Variants in CNTNAP2 observed in about 807,000 individuals in gnomAD.
The protein encoded by CNTNAP2 is contactin associated protein 2.
A neutral mutation model predicts 155.2 loss-of-function variants in CNTNAP2; 98 were observed. The observed-to-expected ratio is 0.63, with a 90% CI of 0.54 to 0.75. The LOEUF is 0.75. Ranked by LOEUF, CNTNAP2 falls within the 30% of genes least tolerant of loss-of-function variation. The pLI is 0.00. For missense variants in CNTNAP2, 1,727 were observed against 1,688.1 expected (o/e 1.02, Z -0.40); for synonymous variants, 651 against 631.2 (o/e 1.03, Z -0.47).
At chr7:147,553,637 G>A (rs758268829) in intron 11 of CNTNAP2, among the ~76,000 whole-genome samples, 53 of 151,940 alleles carry the variant, frequency 3.5e-4, no homozygotes, top group Non-Finnish European at 1.5e-4. Context: ...TTCTTCCTAG[G>A]GCAAGGTATA....
intron 1 of CNTNAP2, among the ~76,000 whole-genome samples, chr7:146,755,247 CAG>C (rs1278548499): frequency 1.3e-5 from 2 of 151,912 alleles, no homozygotes; most frequent in East Asian, 3.9e-4. Context: ...CATAAAAACT[CAG>C]AGATGAATCA....
intron 15 of CNTNAP2, among the ~76,000 whole-genome samples, chr7:148,087,297 AC>A (rs1356575254): frequency 1.3e-5 from 2 of 152,140 alleles, no homozygotes; most frequent in African/African-American, 2.4e-5. Context: ...CTATTGTACT[AC>A]CCACTATAGC....
chr7:147,602,101 G>A (rs1800959103), intron 12 of CNTNAP2, among the ~76,000 whole-genome samples: 1 of 151,844 alleles, frequency 6.6e-6, no homozygotes, highest in Non-Finnish European at 1.5e-5. Flanking sequence ...TGTGGTGTTA[G>A]CAGCCATGGA....
chr7:146,848,161 G>A (rs1794797037), intron 3 of CNTNAP2, among the ~76,000 whole-genome samples: 1 of 152,160 alleles, frequency 6.6e-6, no homozygotes, highest in African/African-American at 2.4e-5. Context: ...CTACTGATCA[G>A]AATCTACAGT....
chr7:147,821,606 G>C (rs555476005), intron 13 of CNTNAP2, among the ~76,000 whole-genome samples: 13 of 152,114 alleles, frequency 8.5e-5, no homozygotes, highest in Non-Finnish European at 1.5e-4. Context: ...GGTAACTTAG[G>C]AACTGAGATT....
chr7:147,360,960 GA>G (rs1358866836), intron 9 of CNTNAP2, among the ~76,000 whole-genome samples: 1 of 152,148 alleles, frequency 6.6e-6, no homozygotes, highest in Non-Finnish European at 1.5e-5. Flanking sequence ...ATTTTCAACT[GA>G]AGGTCATGAA....
At chr7:148,018,717 C>G (rs1219125724) in intron 15 of CNTNAP2, among the ~76,000 whole-genome samples, 3 of 152,210 alleles carry the variant, frequency 2.0e-5, no homozygotes, top group Non-Finnish European at 4.4e-5. Flanking sequence ...TGGCTTCCAG[C>G]CCAGACCTTT....
At chr7:146,629,347 C>A (rs1307078965) in intron 1 of CNTNAP2, among the ~76,000 whole-genome samples, 1 of 151,978 alleles carries the variant, frequency 6.6e-6, no homozygotes, top group Admixed American at 6.6e-5. Context: ...TAATAATAAC[C>A]CTTCTAAAAC....
At chr7:148,188,571 T>C (rs1385413046) in intron 18 of CNTNAP2, among the ~76,000 whole-genome samples, 1 of 152,210 alleles carries the variant, frequency 6.6e-6, no homozygotes, top group African/African-American at 2.4e-5. Flanking sequence ...GAGAGGAAAC[T>C]GTCTTTCTCT....
chr7:148,218,374 G>T (rs1236512754), intron 19 of CNTNAP2, among the ~76,000 whole-genome samples: 1 of 152,120 alleles, frequency 6.6e-6, no homozygotes, highest in Non-Finnish European at 1.5e-5. Flanking sequence ...CTGTCATAAA[G>T]GTTGCTTAAA....
intron 1 of CNTNAP2, among the ~76,000 whole-genome samples, chr7:146,681,640 AAG>A (rs1177432828): frequency 2.7e-5 from 2 of 74,056 alleles, no homozygotes; most frequent in Non-Finnish European, 7.1e-5. Context: ...ATTGGGAGAA[AAG>A]AGAGGAATGG....
At chr7:147,670,572 G>C (rs1795770190) in intron 13 of CNTNAP2, among the ~76,000 whole-genome samples, 1 of 152,196 alleles carries the variant, frequency 6.6e-6, no homozygotes, top group Admixed American at 6.5e-5. Context: ...GCTGGATGTT[G>C]GAGAGAAGTG....
intron 11 of CNTNAP2, among the ~76,000 whole-genome samples, chr7:147,498,273 G>A (rs899782616): frequency 6.6e-6 from 1 of 152,146 alleles, no homozygotes; most frequent in Non-Finnish European, 1.5e-5. Flanking sequence ...AAGTGGGCTG[G>A]GAGGGGAAGC....
Position 147,919,459 on chromosome 7 carries a change from C to CTTTCTTTTTTTTTTTT in CNTNAP2, c.2255+15741_2255+15742insCTTTTTTTTTTTTTTT, listed in dbSNP as rs58537091. ...CACCATGTCTGGCTACTTTTTCTTT[C>CTTTCTTTTTTTTTTTT]TTTTTTTTTTTTTTTTTGAGACAGA... On this transcript the variant is annotated intron_variant, in intron 14 of 23. Coordinates refer to ENST00000361727, the MANE Select transcript of CNTNAP2 (RefSeq NM_014141.6). Among the ~76,000 whole-genome samples, 65 of 51,208 alleles carry CTTTCTTTTTTTTTTTT rather than the reference C, an allele frequency of 1.3e-3. 12 individuals are homozygous for CTTTCTTTTTTTTTTTT. The highest frequency in any genetic ancestry group is 1.7e-3 in the Non-Finnish European group (51 of 29,854). 33.6% of individuals were successfully genotyped at this position (51,208 alleles called of 152,430 possible).
At chr7:148,405,846 C>A (rs1799692366) in intron 22 of CNTNAP2, among the ~76,000 whole-genome samples, 1 of 151,420 alleles carries the variant, frequency 6.6e-6, no homozygotes, top group Non-Finnish European at 1.5e-5. Flanking sequence ...GATCTCTTGA[C>A]CTCATGATCC....
chr7:146,669,430 C>A (rs1412671731), intron 1 of CNTNAP2, among the ~76,000 whole-genome samples: 1 of 152,148 alleles, frequency 6.6e-6, no homozygotes, highest in East Asian at 1.9e-4. Flanking sequence ...AGGAGACAGT[C>A]TAAGAAGCAT....
At chr7:147,959,114 C>G (rs985539473) in intron 14 of CNTNAP2, among the ~76,000 whole-genome samples, 11 of 152,168 alleles carry the variant, frequency 7.2e-5, no homozygotes, top group African/African-American at 2.7e-4. Flanking sequence ...CATGCCATAT[C>G]AGACAAATTG....
intron 13 of CNTNAP2, among the ~76,000 whole-genome samples, chr7:147,892,950 G>A (rs1187783702): frequency 6.6e-6 from 1 of 152,114 alleles, no homozygotes; most frequent in Non-Finnish European, 1.5e-5. Context: ...ATCACAGAAA[G>A]ATAAAATGCT....
chr7:147,181,877 A>G (rs1802462656), intron 8 of CNTNAP2, among the ~76,000 whole-genome samples: 1 of 152,274 alleles, frequency 6.6e-6, no homozygotes, highest in Admixed American at 6.5e-5. Context: ...CTGTAGTTCC[A>G]GCACTTTGGG....
Sources: allele counts gnomAD v4.1 joint callset (sites outside exome capture counted in the v4.1 genomes callset), GRCh38; gene constraint gnomAD v4.1.1; transcripts MANE v1.5; gene names NCBI Gene and HGNC (gene_info 2026-07-23, HGNC 2026-07-21).